MGAT5: variants seen among roughly 807,000 people sequenced by gnomAD.
The protein encoded by MGAT5 is alpha-1,6-mannosylglycoprotein 6-beta-N-acetylglucosaminyltransferase A.
Under a neutral mutation model 94.3 loss-of-function variants are expected in MGAT5, and 30 were observed. That is an observed-to-expected ratio of 0.32 (90% CI 0.24 to 0.43). The LOEUF (loss-of-function observed/expected upper bound fraction) is 0.43. Ranked by LOEUF, MGAT5 falls within the 20% of genes least tolerant of loss-of-function variation. The probability of loss-of-function intolerance (pLI) is 1.00; values close to 1 mark genes in which losing one functional copy is unlikely to be tolerated. For missense variants in MGAT5, 691 were observed against 905.5 expected, an observed-to-expected ratio of 0.76 and a Z score of 3.04; for synonymous variants, 310 against 322.9, an observed-to-expected ratio of 0.96 and a Z score of 0.43.
chr2:134,315,960 T>A (rs995779620), intron 2 of MGAT5, among the ~76,000 whole-genome samples: 5 of 152,188 alleles, frequency 3.3e-5, no homozygotes, highest in African/African-American at 1.2e-4. Flanking sequence ...TAGCACTAAC[T>A]TCTGTCTCAG....
chr2:134,432,554 G>A (rs1378241036), intron 14 of MGAT5, among the ~76,000 whole-genome samples: 1 of 152,130 alleles, frequency 6.6e-6, no homozygotes, highest in South Asian at 2.1e-4. Context: ...GAGAAGGTTG[G>A]TACTAGCTTG....
chr2:134,236,548 C>T (rs11689111), intron 1 of MGAT5, among the ~76,000 whole-genome samples: 1 of 152,010 alleles, frequency 6.6e-6, no homozygotes. Flanking sequence ...CCTTCCCCCC[C>T]CTTTTGCTTG....
intron 11 of MGAT5, among the ~76,000 whole-genome samples, chr2:134,409,825 G>T (rs926690552): frequency 3.3e-5 from 5 of 152,140 alleles, no homozygotes; most frequent in African/African-American, 1.2e-4. Flanking sequence ...GAATGTGTAG[G>T]AACGTCCCAA....
At chr2:134,413,967 A>G (rs1683816750) in intron 12 of MGAT5, among the ~76,000 whole-genome samples, 1 of 152,192 alleles carries the variant, frequency 6.6e-6, no homozygotes, top group Non-Finnish European at 1.5e-5. Flanking sequence ...TTTTTTATTG[A>G]TCAGTCAGAA....
chr2:134,229,191 A>G (rs1681221060), intron 1 of MGAT5, among the ~76,000 whole-genome samples: 2 of 152,248 alleles, frequency 1.3e-5, no homozygotes, highest in South Asian at 4.1e-4. Context: ...AATGGGCAAA[A>G]CAGATTAAAA....
At chr2:134,288,320 G>T (rs2105759486) in intron 2 of MGAT5, among the ~76,000 whole-genome samples, 1 of 152,328 alleles carries the variant, frequency 6.6e-6, no homozygotes, top group Middle Eastern at 3.4e-3. Flanking sequence ...TAGATCAGTA[G>T]TTGGCAAATG....
chr2:134,138,501 C>A (rs921089667), intron 1 of MGAT5, among the ~76,000 whole-genome samples: 1 of 152,128 alleles, frequency 6.6e-6, no homozygotes, highest in African/African-American at 2.4e-5. Flanking sequence ...ATTTTATAGA[C>A]CATATCACAG....
intron 10 of MGAT5, among the ~76,000 whole-genome samples, chr2:134,381,508 A>AG (rs1681613753): frequency 2.3e-5 from 3 of 129,722 alleles, no homozygotes; most frequent in Non-Finnish European, 4.9e-5. Context: ...ACAGACAGAC[A>AG]GACCAGACAG....
intron 2 of MGAT5, among the ~76,000 whole-genome samples, chr2:134,302,366 C>T (rs187971630): frequency 4.6e-5 from 7 of 152,218 alleles, no homozygotes; most frequent in African/African-American, 9.6e-5. Context: ...TGTCTTACAT[C>T]TATAAAGGCC....
At chr2:134,441,639 C>G (rs765282682) in intron 14 of MGAT5, 119 bp from the exon 15 acceptor site, 2 of 1,253,562 alleles carry the variant, frequency 1.6e-6, no homozygotes, top group South Asian at 1.5e-5. Context: ...TGGCTCCCAA[C>G]TCTTCCCCGT....
intron 10 of MGAT5, among the ~76,000 whole-genome samples, chr2:134,380,277 G>A (rs555656719): frequency 6.6e-6 from 1 of 152,280 alleles, no homozygotes; most frequent in East Asian, 1.9e-4. Flanking sequence ...AAATACGCAC[G>A]TGGCATAGTT....
At chr2:134,156,870 G>A (rs1374924747) in intron 1 of MGAT5, among the ~76,000 whole-genome samples, 2 of 152,156 alleles carry the variant, frequency 1.3e-5, no homozygotes, top group Admixed American at 1.3e-4. Context: ...AGTGCAACTG[G>A]GACGTTGGAC....
At chr2:134,401,582 T>C (rs866606358) in intron 10 of MGAT5, among the ~76,000 whole-genome samples, 1 of 152,210 alleles carries the variant, frequency 6.6e-6, no homozygotes, top group Admixed American at 6.5e-5. Context: ...ACAAGAACCA[T>C]ATCCTAGAAC....
At chr2:134,396,527 T>C (rs1287025863) in intron 10 of MGAT5, among the ~76,000 whole-genome samples, 4 of 152,210 alleles carry the variant, frequency 2.6e-5, no homozygotes, top group Admixed American at 6.5e-5. Flanking sequence ...CTATAAAATA[T>C]ACCTTTTAAG....
At chr2:134,133,943 A>AT (rs1400456589) in intron 1 of MGAT5, among the ~76,000 whole-genome samples, 2 of 152,168 alleles carry the variant, frequency 1.3e-5, no homozygotes, top group African/African-American at 4.8e-5. Flanking sequence ...AGACCTTATG[A>AT]TACTACTGTC....
chr2:134,390,962 C>A (rs1682365808), intron 10 of MGAT5, among the ~76,000 whole-genome samples: 1 of 152,054 alleles, frequency 6.6e-6, no homozygotes, highest in South Asian at 2.1e-4. Flanking sequence ...TTGTTTCAGA[C>A]CCTAAAGGTC....
At chr2:134,203,662 C>G (rs1446487464) in intron 1 of MGAT5, among the ~76,000 whole-genome samples, 1 of 151,984 alleles carries the variant, frequency 6.6e-6, no homozygotes, top group Non-Finnish European at 1.5e-5. Flanking sequence ...GTCACTCCAC[C>G]AGAGCCACGT....
At chr2:134,267,739 A>G (rs1683804713) in intron 1 of MGAT5, among the ~76,000 whole-genome samples, 1 of 152,240 alleles carries the variant, frequency 6.6e-6, no homozygotes, top group African/African-American at 2.4e-5. Flanking sequence ...ATGAGAGCCC[A>G]TCAGCATTGG....
intron 1 of MGAT5, among the ~76,000 whole-genome samples, chr2:134,198,706 G>A (rs1031720671): frequency 1.3e-5 from 2 of 152,148 alleles, no homozygotes; most frequent in Non-Finnish European, 2.9e-5. Context: ...TTCTCAGGGA[G>A]GTGCCCAGGA....
Sources: gnomAD v4.1 joint callset for allele counts (sites outside exome capture counted in the v4.1 genomes callset) on GRCh38, gnomAD v4.1.1 for gene constraint, MANE v1.5 for transcripts, NCBI Gene and HGNC (gene_info 2026-07-23, HGNC 2026-07-21) for gene names.